CHEK2: variants seen among roughly 807,000 people sequenced by gnomAD.
The protein encoded by CHEK2 is serine/threonine-protein kinase Chk2.
In CHEK2, 71 loss-of-function variants were observed where a neutral mutation model predicts 69.1. That is an observed-to-expected ratio of 1.03 (90% CI 0.85 to 1.25). The LOEUF is 1.25. Among genes scored for constraint, CHEK2 ranks in the 50% most tolerant of loss-of-function variants. The pLI, the probability that CHEK2 is intolerant of heterozygous loss-of-function variation, is 0.00. For synonymous variants in CHEK2, 189 were observed against 226.9 expected, an observed-to-expected ratio of 0.83 and a Z score of 1.50; for missense variants, 664 against 649.6, an observed-to-expected ratio of 1.02 and a Z score of -0.24.
chr22:28,732,538 T>C (rs544389743), intron 2 of CHEK2, among the ~76,000 whole-genome samples: 29 of 152,294 alleles, frequency 1.9e-4, no homozygotes, highest in Non-Finnish European at 3.8e-4. Context: ...TGAGCCACAA[T>C]GCCCGGTCTG....
intron 7 of CHEK2, among the ~76,000 whole-genome samples, chr22:28,707,671 AG>A: frequency 6.6e-6 from 1 of 152,146 alleles, no homozygotes; most frequent in Non-Finnish European, 1.5e-5. Flanking sequence ...TTAATTCCCA[AG>A]AGTTTCTTGT....
At chr22:28,702,137 G>GTGTGTGTGTC (rs1229889910) in intron 8 of CHEK2, among the ~76,000 whole-genome samples, 1 of 64,248 alleles carries the variant, frequency 1.6e-5, no homozygotes, top group Non-Finnish European at 3.3e-5. Context: ...GTGTGTGTCT[G>GTGTGTGTGTC]TGTGTGTGTG....
intron 8 of CHEK2, among the ~76,000 whole-genome samples, chr22:28,702,336 T>C (rs867739669): frequency 6.6e-6 from 1 of 151,644 alleles, no homozygotes; most frequent in Non-Finnish European, 1.5e-5. Flanking sequence ...CCTCCTGGGT[T>C]CACGCCATTC....
At chr22:28,721,498 G>C (rs2146025091) in intron 4 of CHEK2, 1 of 360,872 alleles carries the variant, frequency 2.8e-6, no homozygotes, top group East Asian at 7.7e-5. Flanking sequence ...CGTTGACCAG[G>C]CTGGTCTCGA....
chr22:28,708,169 T>C (rs1315366829), intron 7 of CHEK2, among the ~76,000 whole-genome samples: 2 of 151,942 alleles, frequency 1.3e-5, no homozygotes, highest in East Asian at 1.9e-4. Context: ...GTAGGTCTGA[T>C]GCAACCCCAC....
chr22:28,738,820 A>G (rs2054485135), intron 1 of CHEK2, among the ~76,000 whole-genome samples: 1 of 152,174 alleles, frequency 6.6e-6, no homozygotes, highest in Non-Finnish European at 1.5e-5. Context: ...TCAAGCTAAA[A>G]AGCTTCTGCA....
intron 4 of CHEK2, among the ~76,000 whole-genome samples, chr22:28,719,737 G>C (rs969944989): frequency 6.6e-6 from 1 of 152,132 alleles, no homozygotes; most frequent in Non-Finnish European, 1.5e-5. Context: ...TCTGAAACTA[G>C]TGCAAAAAAT....
chr22:28,741,024 C>T (rs2054538936), intron 1 of CHEK2, among the ~76,000 whole-genome samples: 1 of 151,572 alleles, frequency 6.6e-6, no homozygotes, highest in Non-Finnish European at 1.5e-5. Flanking sequence ...GTGGCGGGTA[C>T]CTATAATCCC....
At chr22:28,709,421 C>A (rs1411707104) in intron 7 of CHEK2, among the ~76,000 whole-genome samples, 1 of 152,074 alleles carries the variant, frequency 6.6e-6, no homozygotes, top group Non-Finnish European at 1.5e-5. Context: ...AGAATAATTG[C>A]TATATGTTTT....
chr22:28,705,010 A>T (rs1304263007), intron 7 of CHEK2, among the ~76,000 whole-genome samples: 1 of 152,150 alleles, frequency 6.6e-6, no homozygotes, highest in African/African-American at 2.4e-5. Flanking sequence ...AAGACTTCAA[A>T]GAGTATGATA....
chr22:28,728,506 C>A (rs2054084734), intron 2 of CHEK2, among the ~76,000 whole-genome samples: 1 of 152,198 alleles, frequency 6.6e-6, no homozygotes, highest in East Asian at 1.9e-4. Context: ...CCAGCCTGTG[C>A]AACATGGCAA....
chr22:28,731,769 C>T (rs905756137), intron 2 of CHEK2, among the ~76,000 whole-genome samples: 1 of 151,950 alleles, frequency 6.6e-6, no homozygotes, highest in Non-Finnish European at 1.5e-5. Context: ...TTCAAGCTAT[C>T]CTCCCACCTC....
intron 1 of CHEK2, among the ~76,000 whole-genome samples, chr22:28,735,495 C>T (rs1217855380): frequency 1.3e-5 from 2 of 152,180 alleles, no homozygotes; most frequent in Non-Finnish European, 2.9e-5. Flanking sequence ...TCAGTAGACA[C>T]TTACTTCTCC....
intron 2 of CHEK2, among the ~76,000 whole-genome samples, chr22:28,730,843 C>A (rs2054193621): frequency 6.6e-6 from 1 of 151,892 alleles, no homozygotes; most frequent in Non-Finnish European, 1.5e-5. Flanking sequence ...GGTGACAGAG[C>A]AAGGCTCCGT....
At chr22:28,713,652 G>A (rs976980443) in intron 5 of CHEK2, among the ~76,000 whole-genome samples, 2 of 144,350 alleles carry the variant, frequency 1.4e-5, no homozygotes, top group Non-Finnish European at 3.0e-5. Flanking sequence ...CACCGCACTC[G>A]GCCACATGTA....
intron 1 of CHEK2, among the ~76,000 whole-genome samples, chr22:28,740,308 A>T (rs1206973534): frequency 2.0e-5 from 3 of 152,202 alleles, no homozygotes; most frequent in Non-Finnish European, 4.4e-5. Flanking sequence ...TTATTAGGTC[A>T]AAATGGCTGT....
chr22:28,693,155 A>T (rs1444917362), intron 13 of CHEK2, among the ~76,000 whole-genome samples: 1 of 152,190 alleles, frequency 6.6e-6, no homozygotes, highest in Non-Finnish European at 1.5e-5. Flanking sequence ...ATTACAGAAG[A>T]CCAGACATCT....
At chr22:28,730,967 G>A (rs2146117364) in intron 2 of CHEK2, among the ~76,000 whole-genome samples, 1 of 152,316 alleles carries the variant, frequency 6.6e-6, no homozygotes, top group African/African-American at 2.4e-5. Flanking sequence ...ACTTTGGGAA[G>A]CCAAGATGGA....
At chr22:28,736,016 C>T (rs1343338816) in intron 1 of CHEK2, among the ~76,000 whole-genome samples, 2 of 152,074 alleles carry the variant, frequency 1.3e-5, no homozygotes, top group Non-Finnish European at 2.9e-5. Context: ...GTGTTTGAGA[C>T]CCCACCTCTA....
Sources: gnomAD v4.1 joint callset for allele counts (sites outside exome capture counted in the v4.1 genomes callset) on GRCh38, gnomAD v4.1.1 for gene constraint, MANE v1.5 for transcripts, NCBI Gene and HGNC (gene_info 2026-07-23, HGNC 2026-07-21) for gene names.